FHIT: variants seen among roughly 807,000 people sequenced by gnomAD.
FHIT encodes fragile histidine triad diadenosine triphosphatase.
In FHIT, 19 loss-of-function variants were observed where a neutral mutation model predicts 17.9. That is an observed-to-expected ratio of 1.06 (90% CI 0.74 to 1.56). The LOEUF (loss-of-function observed/expected upper bound fraction) is 1.56. Among genes scored for constraint, FHIT ranks in the 40% most tolerant of loss-of-function variants. The pLI, the probability that FHIT is intolerant of heterozygous loss-of-function variation, is 0.00. For missense variants in FHIT, 248 were observed against 189.2 expected (o/e 1.31, Z -1.82); for synonymous variants, 81 against 69.7 (o/e 1.16, Z -0.81).
chr3:61,217,902 G>C (rs981490317), intron 1 of FHIT, among the ~76,000 whole-genome samples: 1 of 152,162 alleles, frequency 6.6e-6, no homozygotes, highest in Non-Finnish European at 1.5e-5. Flanking sequence ...ACAATTTTAT[G>C]ACAGTTTCCC....
intron 5 of FHIT, among the ~76,000 whole-genome samples, chr3:60,206,152 T>C (rs961372926): frequency 1.4e-5 from 2 of 138,056 alleles, no homozygotes; most frequent in African/African-American, 2.7e-5. Context: ...AAAAAATAAA[T>C]AATAATAATA....
At chr3:60,819,710 C>T (rs1486712627) in intron 4 of FHIT, among the ~76,000 whole-genome samples, 5 of 152,118 alleles carry the variant, frequency 3.3e-5, no homozygotes, top group South Asian at 2.1e-4. Flanking sequence ...TTGAGCAGTT[C>T]CCATAACTAG....
At chr3:60,217,464 C>CA (rs553229765) in intron 5 of FHIT, among the ~76,000 whole-genome samples, 59 of 152,278 alleles carry the variant, frequency 3.9e-4, no homozygotes, top group Middle Eastern at 3.4e-3. Context: ...TTCCTATATC[C>CA]ATTCTCCCAC....
chr3:60,671,467 T>G (rs2107842718), intron 4 of FHIT, among the ~76,000 whole-genome samples: 1 of 152,220 alleles, frequency 6.6e-6, no homozygotes, highest in East Asian at 1.9e-4. Context: ...ACAAATGTAA[T>G]ATAATAAACA....
At chr3:60,059,408 C>T (rs896293241) in intron 5 of FHIT, among the ~76,000 whole-genome samples, 1 of 152,148 alleles carries the variant, frequency 6.6e-6, no homozygotes, top group Non-Finnish European at 1.5e-5. Flanking sequence ...GGTGGCCCAC[C>T]TTAAGAGAAG....
chr3:60,660,317 G>T (rs924813760), intron 4 of FHIT, among the ~76,000 whole-genome samples: 1 of 152,084 alleles, frequency 6.6e-6, no homozygotes, highest in South Asian at 2.1e-4. Context: ...CCTGATTTTT[G>T]AATGACAGTG....
At chr3:61,206,635 A>C (rs905779167) in intron 1 of FHIT, among the ~76,000 whole-genome samples, 20 of 152,124 alleles carry the variant, frequency 1.3e-4, no homozygotes, top group Non-Finnish European at 2.5e-4. Flanking sequence ...TTATTGGTGT[A>C]AAGGAATGCT....
intron 5 of FHIT, among the ~76,000 whole-genome samples, chr3:60,333,905 G>T (rs1451357892): frequency 6.6e-6 from 1 of 152,142 alleles, no homozygotes; most frequent in Non-Finnish European, 1.5e-5. Flanking sequence ...CAGACCACCT[G>T]CTTCCTGTTG....
chr3:61,176,085 G>GA (rs1190660107), intron 2 of FHIT, among the ~76,000 whole-genome samples: 1 of 152,216 alleles, frequency 6.6e-6, no homozygotes. Flanking sequence ...GATAACTGAT[G>GA]AACATACAGA....
intron 4 of FHIT, among the ~76,000 whole-genome samples, chr3:60,747,234 T>C (rs1194644534): frequency 2.6e-5 from 4 of 152,174 alleles, no homozygotes; most frequent in Admixed American, 6.6e-5. Flanking sequence ...CTGCCTGGAA[T>C]TGTCTAATTC....
chr3:61,060,172 C>G (rs376855627), intron 2 of FHIT, among the ~76,000 whole-genome samples: 1 of 151,966 alleles, frequency 6.6e-6, no homozygotes, highest in Non-Finnish European at 1.5e-5. Flanking sequence ...GTATATAGTT[C>G]GCATAGATTT....
At chr3:60,483,128 G>C (rs554498712) in intron 5 of FHIT, among the ~76,000 whole-genome samples, 1 of 152,264 alleles carries the variant, frequency 6.6e-6, no homozygotes, top group East Asian at 1.9e-4. Context: ...GACTAAACCA[G>C]GAAGGAGTTG....
At chr3:60,890,432 C>T (rs9870639) in intron 3 of FHIT, among the ~76,000 whole-genome samples, 41,696 of 151,866 alleles carry the variant, frequency 0.27, 6,898 homozygotes, top group African/African-American at 0.46. Flanking sequence ...AGCCAAGCCA[C>T]GCCCCAATTC....
chr3:59,832,713 G>T (rs544485940), intron 8 of FHIT, among the ~76,000 whole-genome samples: 1 of 152,300 alleles, frequency 6.6e-6, no homozygotes, highest in Non-Finnish European at 1.5e-5. Flanking sequence ...GGGGTTGTTT[G>T]TTACTGCAGC....
At chr3:60,616,055 G>GTAATATCAC (rs1553675779) in intron 4 of FHIT, among the ~76,000 whole-genome samples, 1 of 152,182 alleles carries the variant, frequency 6.6e-6, no homozygotes, top group African/African-American at 2.4e-5. Context: ...ACCCTTGTCA[G>GTAATATCAC]TAATATCACT....
intron 4 of FHIT, among the ~76,000 whole-genome samples, chr3:60,576,946 G>GCACA (rs1405117424): frequency 3.0e-5 from 1 of 32,796 alleles, no homozygotes; most frequent in East Asian, 1.6e-3. Context: ...GCATCCATTT[G>GCACA]CATACACACA....
chr3:60,137,232 G>T (rs1043019166), intron 5 of FHIT, among the ~76,000 whole-genome samples: 8 of 152,128 alleles, frequency 5.3e-5, no homozygotes, highest in Non-Finnish European at 1.2e-4. Flanking sequence ...CCCTATTGAT[G>T]CCAGAACCAC....
chr3:60,995,321 AAATAAT>A (rs529052622), intron 3 of FHIT, among the ~76,000 whole-genome samples: 6 of 151,634 alleles, frequency 4.0e-5, no homozygotes, highest in East Asian at 1.9e-4. Context: ...CTCTGTCTCA[AAATAAT>A]AATAATAATA....
chr3:60,713,239 GAC>G (rs2041588383), intron 4 of FHIT, among the ~76,000 whole-genome samples: 1 of 150,102 alleles, frequency 6.7e-6, no homozygotes. Flanking sequence ...CGAGAACAAA[GAC>G]ACAACATACC....
Sources: gnomAD v4.1 joint callset for allele counts (sites outside exome capture counted in the v4.1 genomes callset) on GRCh38, gnomAD v4.1.1 for gene constraint, MANE v1.5 for transcripts, NCBI Gene and HGNC (gene_info 2026-07-23, HGNC 2026-07-21) for gene names.